ATG5: variants seen among roughly 807,000 people sequenced by gnomAD.
ATG5 encodes the protein autophagy related 5, also known as autophagy protein 5.
A neutral mutation model predicts 36.5 loss-of-function variants in ATG5; 14 were observed. The ratio of observed to expected loss-of-function variants is 0.38; its 90% CI spans 0.25 to 0.60. ATG5 has a LOEUF of 0.60. Among genes scored for constraint, ATG5 ranks in the 20% least tolerant of loss-of-function variants. ATG5 has a pLI of 0.60. For synonymous variants in ATG5, 95 were observed against 101.5 expected, an observed-to-expected ratio of 0.94 and a Z score of 0.38; for missense variants, 195 against 326.7, an observed-to-expected ratio of 0.60 and a Z score of 3.11.
chr6:106,253,239 G>C (rs1051640268), intron 5 of ATG5, among the ~76,000 whole-genome samples: 2 of 152,178 alleles, frequency 1.3e-5, no homozygotes, highest in African/African-American at 4.8e-5. Flanking sequence ...TTATGAGCCA[G>C]GTCAAATTAA....
intron 3 of ATG5, among the ~76,000 whole-genome samples, chr6:106,293,967 CTTTT>C (rs200687385): frequency 4.1e-5 from 6 of 145,920 alleles, no homozygotes; most frequent in Non-Finnish European, 9.1e-5. Context: ...CAGATTTCAG[CTTTT>C]TTTTTTTTCT....
intron 5 of ATG5, among the ~76,000 whole-genome samples, chr6:106,259,235 C>G (rs1778917972): frequency 6.6e-6 from 1 of 152,036 alleles, no homozygotes. Context: ...TACTTTATTA[C>G]CTATAATTGG....
At chr6:106,211,060 C>A (rs988195106) in intron 6 of ATG5, among the ~76,000 whole-genome samples, 1 of 152,220 alleles carries the variant, frequency 6.6e-6, no homozygotes, top group South Asian at 2.1e-4. Context: ...GTTTTACATA[C>A]ATTAAGAATT....
rs768180310 is a variant in ATG5 at position 106,279,797 on chromosome 6, G to A, written c.342C>T (p.His114=). 3 of 1,537,944 alleles carry A rather than the reference G, an allele frequency of 2.0e-6. No individual in the cohort carries two copies. The highest frequency in any genetic ancestry group is 2.6e-6 in the Non-Finnish European group (3 of 1,143,676). Residue 114 remains histidine (H), a synonymous_variant, in exon 5 of 8, where the codon CAC becomes CAT. Transcript: ENST00000369076. ...CTTCAATTGCATCCTTAGATGGACA[G>A]TGCAGAAGGTCTTTTTCTGGAAAAC... ...FKSFPEKDLL[H]CPSKDAIEAH... is the part of the protein sequence containing the mutation.
At chr6:106,287,922 A>G (rs557147395) in intron 4 of ATG5, among the ~76,000 whole-genome samples, 1 of 152,290 alleles carries the variant, frequency 6.6e-6, no homozygotes, top group South Asian at 2.1e-4. Flanking sequence ...AATGTTAAAA[A>G]GCAGCAAATC....
At chr6:106,286,262 T>G (rs1780075522) in intron 4 of ATG5, among the ~76,000 whole-genome samples, 1 of 152,200 alleles carries the variant, frequency 6.6e-6, no homozygotes, top group Admixed American at 6.5e-5. Flanking sequence ...TTGCTCTGCT[T>G]GAGCTCCACT....
intron 4 of ATG5, among the ~76,000 whole-genome samples, chr6:106,289,779 A>T (rs947566413): frequency 2.6e-5 from 4 of 152,204 alleles, no homozygotes; most frequent in African/African-American, 9.6e-5. Flanking sequence ...ACAACAACAA[A>T]AAAAACAGGA....
chr6:106,232,014 AC>A (rs1348865570), intron 6 of ATG5, among the ~76,000 whole-genome samples: 13 of 152,158 alleles, frequency 8.5e-5, no homozygotes, highest in Non-Finnish European at 1.8e-4. Flanking sequence ...TCGTCCATGC[AC>A]CTCGTGTCAA....
chr6:106,237,093 C>T (rs901441933), intron 6 of ATG5, among the ~76,000 whole-genome samples: 2 of 152,056 alleles, frequency 1.3e-5, no homozygotes, highest in African/African-American at 4.8e-5. Flanking sequence ...TGAAATAGCC[C>T]TACTGTTCTA....
At chr6:106,268,172 T>TAA (rs113563505) in intron 5 of ATG5, among the ~76,000 whole-genome samples, 5 of 151,938 alleles carry the variant, frequency 3.3e-5, no homozygotes, top group African/African-American at 4.8e-5. Context: ...ACAAGGAACT[T>TAA]AAACAAATTT....
intron 3 of ATG5, among the ~76,000 whole-genome samples, chr6:106,302,170 T>A (rs1476889969): frequency 6.6e-6 from 1 of 152,008 alleles, no homozygotes; most frequent in Admixed American, 6.6e-5. Flanking sequence ...CAGGAGGGAA[T>A]ATATGAATGA....
chr6:106,261,239 A>G (rs1348728333), intron 5 of ATG5, among the ~76,000 whole-genome samples: 2 of 152,238 alleles, frequency 1.3e-5, no homozygotes, highest in Non-Finnish European at 2.9e-5. Context: ...ACAGCATACT[A>G]TTGATTCATT....
chr6:106,188,694 C>T (rs1423376847), intron 7 of ATG5, among the ~76,000 whole-genome samples: 40 of 152,136 alleles, frequency 2.6e-4, no homozygotes, highest in Admixed American at 2.6e-3. Flanking sequence ...TAATAAATCC[C>T]CTTACCCAAA....
intron 4 of ATG5, among the ~76,000 whole-genome samples, chr6:106,286,762 T>C (rs1780093783): frequency 6.6e-6 from 1 of 152,168 alleles, no homozygotes; most frequent in Non-Finnish European, 1.5e-5. Context: ...GACAAGAACT[T>C]CACATGGTCT....
At chr6:106,261,975 T>C (rs923254965) in intron 5 of ATG5, among the ~76,000 whole-genome samples, 15 of 151,416 alleles carry the variant, frequency 9.9e-5, no homozygotes, top group Admixed American at 5.2e-4. Flanking sequence ...AGTGCAGAGG[T>C]TGGGAAACCC....
At position 106,323,173 on chromosome 6, in the gene ATG5, G is replaced by A. The variant is rs537848611; in HGVS notation, c.-59+2353C>T. On this transcript the variant is annotated intron_variant, in intron 1 of 7. Coordinates refer to ENST00000369076, the MANE Select transcript of ATG5 (RefSeq NM_004849.4). Reference sequence around the variant, plus strand: ...AGGATGGTCTCGGTCTCCTGACCTCGTGATCCGCCCGCCTTGGCCTCCCAA... The same window carrying A: ...AGGATGGTCTCGGTCTCCTGACCTCATGATCCGCCCGCCTTGGCCTCCCAA... 8.6e-5 allele frequency among the ~76,000 whole-genome samples: 13 copies of A among 151,394 alleles called. No individual in the cohort carries two copies. In the South Asian group the frequency reaches 1.3e-3, roughly 15 times the overall value.
chr6:106,294,164 A>G (rs909510840), intron 3 of ATG5, among the ~76,000 whole-genome samples: 4 of 151,902 alleles, frequency 2.6e-5, no homozygotes, highest in African/African-American at 9.7e-5. Context: ...TGTACTCACA[A>G]CAAGGGCAAA....
intron 5 of ATG5, among the ~76,000 whole-genome samples, chr6:106,257,436 T>C (rs1778844208): frequency 6.6e-6 from 1 of 152,208 alleles, no homozygotes; most frequent in Non-Finnish European, 1.5e-5. Context: ...CATTGTGCTA[T>C]GATGGTACAA....
At chr6:106,194,766 A>C (rs1167152161) in intron 7 of ATG5, among the ~76,000 whole-genome samples, 1 of 152,048 alleles carries the variant, frequency 6.6e-6, no homozygotes, top group Non-Finnish European at 1.5e-5. Context: ...CTAACTCCTG[A>C]CCTCAGGTGA....
Sources: allele counts gnomAD v4.1 joint callset (sites outside exome capture counted in the v4.1 genomes callset), GRCh38; gene constraint gnomAD v4.1.1; transcripts MANE v1.5; gene names NCBI Gene and HGNC (gene_info 2026-07-23, HGNC 2026-07-21).